The following PACRG variants were observed in gnomAD, a reference collection of about 807,000 sequenced individuals.
The protein encoded by PACRG is parkin coregulated, also known as parkin coregulated gene protein.
Under a neutral mutation model 29.7 loss-of-function variants are expected in PACRG, and 29 were observed. The observed-to-expected ratio is 0.98, with a 90% CI of 0.73 to 1.33. The LOEUF (loss-of-function observed/expected upper bound fraction) is 1.33, where lower values mean the gene tolerates loss of function less well. Ranked by LOEUF, PACRG falls within the 40% of genes most tolerant of loss-of-function variation. The probability of loss-of-function intolerance (pLI) is 0.00; values close to 1 mark genes in which losing one functional copy is unlikely to be tolerated. For synonymous variants in PACRG, 116 were observed against 118.7 expected (o/e 0.98, Z 0.15); for missense variants, 279 against 316.2 (o/e 0.88, Z 0.89).
chr6:162,870,523 A>G (rs2127993200), intron 2 of PACRG, among the ~76,000 whole-genome samples: 1 of 152,182 alleles, frequency 6.6e-6, no homozygotes, highest in East Asian at 1.9e-4. Flanking sequence ...TGCACCCATC[A>G]CCCAAGCAGT....
intron 1 of PACRG, among the ~76,000 whole-genome samples, chr6:162,755,365 T>A (rs1781827541): frequency 6.6e-6 from 1 of 152,148 alleles, no homozygotes; most frequent in African/African-American, 2.4e-5. Context: ...TTTTAGCTCC[T>A]TGAGGTATGA....
chr6:162,995,630 G>A (rs576985395), intron 2 of PACRG, among the ~76,000 whole-genome samples: 74 of 152,300 alleles, frequency 4.9e-4, no homozygotes, highest in African/African-American at 1.6e-3. Context: ...ACTGGCCTGC[G>A]CCCACTGTCT....
intron 2 of PACRG, among the ~76,000 whole-genome samples, chr6:162,939,501 G>C (rs968653215): frequency 2.0e-5 from 3 of 152,134 alleles, no homozygotes; most frequent in Non-Finnish European, 4.4e-5. Context: ...TTATTTCAAG[G>C]GAGGGAAAAG....
chr6:163,197,070 C>A (rs995163037), intron 4 of PACRG, among the ~76,000 whole-genome samples: 1 of 152,086 alleles, frequency 6.6e-6, no homozygotes, highest in Non-Finnish European at 1.5e-5. Flanking sequence ...AAGAAGAACT[C>A]GTGGTCATTT....
intron 1 of PACRG, among the ~76,000 whole-genome samples, chr6:162,782,083 T>G (rs758215161): frequency 5.3e-5 from 8 of 151,774 alleles, no homozygotes; most frequent in Middle Eastern, 3.2e-3. Flanking sequence ...ATAAAATATG[T>G]GAACACTAAT....
upstream of PACRG, chr6:162,727,614 G>C: frequency 3.8e-6 from 6 of 1,562,042 alleles, no homozygotes; most frequent in Non-Finnish European, 5.2e-6. Context: ...CGCCATACCG[G>C]GGCGTGGGGC....
chr6:163,033,918 A>T (rs1269521820), intron 2 of PACRG, among the ~76,000 whole-genome samples: 1 of 152,138 alleles, frequency 6.6e-6, no homozygotes, highest in Non-Finnish European at 1.5e-5. Flanking sequence ...ATCCCTAGGG[A>T]CCCCTCATTG....
chr6:162,925,988 C>A (rs959577624), intron 2 of PACRG, among the ~76,000 whole-genome samples: 2 of 152,024 alleles, frequency 1.3e-5, no homozygotes, highest in Non-Finnish European at 2.9e-5. Flanking sequence ...GCAAAAATCA[C>A]AAGAATTTCT....
intron 4 of PACRG, among the ~76,000 whole-genome samples, chr6:163,100,151 C>T (rs936959193): frequency 3.9e-5 from 6 of 152,014 alleles, no homozygotes; most frequent in African/African-American, 1.2e-4. Flanking sequence ...CGGCTCGGCC[C>T]GAACCCACCA....
At chr6:163,062,058 C>G in intron 2 of PACRG, 92 bp from the exon 3 acceptor site, 1 of 1,298,486 alleles carries the variant, frequency 7.7e-7, no homozygotes, top group Non-Finnish European at 1.1e-6. Context: ...AAGAGCGTGC[C>G]CCTCTGGAGT....
intron 4 of PACRG, among the ~76,000 whole-genome samples, chr6:163,125,992 C>A (rs1466675560): frequency 6.6e-6 from 1 of 152,206 alleles, no homozygotes; most frequent in African/African-American, 2.4e-5. Flanking sequence ...CAAACACTTA[C>A]ACATTGCAGA....
chr6:163,224,021 C>T (rs1285501940), intron 4 of PACRG, among the ~76,000 whole-genome samples: 1 of 152,062 alleles, frequency 6.6e-6, no homozygotes. Context: ...ACTATCCTAA[C>T]ATGTATATGG....
chr6:162,749,581 C>T (rs576237444), intron 1 of PACRG, among the ~76,000 whole-genome samples: 20 of 152,150 alleles, frequency 1.3e-4, no homozygotes, highest in Admixed American at 3.3e-4. Context: ...AGTGCAATGG[C>T]GTGATCTCAG....
At chr6:163,277,493 A>ATATATG (rs1430671455) in intron 4 of PACRG, among the ~76,000 whole-genome samples, 1 of 74,658 alleles carries the variant, frequency 1.3e-5, no homozygotes, top group Non-Finnish European at 2.7e-5. Context: ...GTATATATAT[A>ATATATG]TACACACATA....
At chr6:162,909,671 T>C (rs1049241627) in intron 2 of PACRG, among the ~76,000 whole-genome samples, 1 of 149,822 alleles carries the variant, frequency 6.7e-6, no homozygotes, top group Non-Finnish European at 1.5e-5. Context: ...ATGTCCACAG[T>C]ATCTGGCACA....
intron 4 of PACRG, among the ~76,000 whole-genome samples, chr6:163,140,174 A>G (rs1336778307): frequency 6.6e-6 from 1 of 152,258 alleles, no homozygotes; most frequent in Admixed American, 6.5e-5. Flanking sequence ...AGCACGCAGC[A>G]ATGATGGATA....
At chr6:162,732,428 C>T (rs1054331030) in intron 1 of PACRG, among the ~76,000 whole-genome samples, 13 of 152,166 alleles carry the variant, frequency 8.5e-5, no homozygotes, top group African/African-American at 3.1e-4. Flanking sequence ...AGTCTTATGG[C>T]CACAGCTAGT....
chr6:163,260,541 C>T (rs1229344762), intron 4 of PACRG, among the ~76,000 whole-genome samples: 1 of 152,224 alleles, frequency 6.6e-6, no homozygotes, highest in Non-Finnish European at 1.5e-5. Flanking sequence ...CTAGCTGAAG[C>T]TTCGGGAGTT....
At chr6:163,120,659 C>A (rs1816226342) in intron 4 of PACRG, among the ~76,000 whole-genome samples, 1 of 151,922 alleles carries the variant, frequency 6.6e-6, no homozygotes, top group African/African-American at 2.4e-5. Flanking sequence ...AAAAGTAGTT[C>A]TACTTTTGTT....
Sources: allele counts gnomAD v4.1 joint callset (sites outside exome capture counted in the v4.1 genomes callset), GRCh38; gene constraint gnomAD v4.1.1; transcripts MANE v1.5; gene names NCBI Gene and HGNC (gene_info 2026-07-23, HGNC 2026-07-21).